RALGAPA1: variants seen among roughly 807,000 people sequenced by gnomAD.
RALGAPA1 encodes the protein Ral GTPase activating protein catalytic subunit alpha 1.
Under a neutral mutation model 269.6 loss-of-function variants are expected in RALGAPA1, and 52 were observed. That is an observed-to-expected ratio of 0.19 (90% CI 0.15 to 0.24). The LOEUF (loss-of-function observed/expected upper bound fraction) is 0.24. RALGAPA1 is among the 10% of genes least tolerant of loss of function. The pLI, the probability that RALGAPA1 is intolerant of heterozygous loss-of-function variation, is 1.00. For missense variants in RALGAPA1, 1,917 were observed against 3,013.9 expected (o/e 0.64, Z 8.52); for synonymous variants, 817 against 1,008.3 (o/e 0.81, Z 3.60).
intron 35 of RALGAPA1, among the ~76,000 whole-genome samples, chr14:35,619,640 G>C (rs550974094): frequency 1.3e-5 from 2 of 152,180 alleles, no homozygotes; most frequent in South Asian, 4.1e-4. Flanking sequence ...GAATCAAATA[G>C]ACACAATAAA....
chr14:35,760,744 G>A, intron 6 of RALGAPA1, 85 bp downstream of exon 6: 4 of 930,190 alleles, frequency 4.3e-6, no homozygotes, highest in Admixed American at 2.3e-5. Context: ...CCCAGTTAAT[G>A]AATGCACAGA....
At chr14:35,733,605 C>G (rs1430243743) in intron 12 of RALGAPA1, among the ~76,000 whole-genome samples, 1 of 151,968 alleles carries the variant, frequency 6.6e-6, no homozygotes, top group Non-Finnish European at 1.5e-5. Context: ...GCCCTAAAAA[C>G]CTACATCAAA....
chr14:35,572,486 T>C (rs577769236), intron 38 of RALGAPA1, 74 bp downstream of exon 38: 1 of 1,198,296 alleles, frequency 8.3e-7, no homozygotes, highest in African/African-American at 1.5e-5. Flanking sequence ...TTTTATTCTG[T>C]AACATGGAAA....
At chr14:35,629,491 A>AATTT (rs1299692384) in intron 33 of RALGAPA1, among the ~76,000 whole-genome samples, 3 of 152,022 alleles carry the variant, frequency 2.0e-5, no homozygotes, top group Non-Finnish European at 4.4e-5. Context: ...AATAAATACA[A>AATTT]ATTTATTTAT....
chr14:35,557,098 A>ATGTGTGTGTG (rs56835063), intron 39 of RALGAPA1, among the ~76,000 whole-genome samples: 3,209 of 142,454 alleles, frequency 0.023, 42 homozygotes, highest in African/African-American at 0.027. Context: ...TCCAATATGT[A>ATGTGTGTGTG]TGTGTGTGTG....
intron 37 of RALGAPA1, among the ~76,000 whole-genome samples, chr14:35,590,281 T>C (rs1367302814): frequency 1.3e-5 from 2 of 152,340 alleles, no homozygotes; most frequent in East Asian, 1.9e-4. Context: ...TTAGTACCCA[T>C]ATATTAGTTT....
intron 1 of RALGAPA1, among the ~76,000 whole-genome samples, chr14:35,791,180 T>C (rs1376427306): frequency 6.6e-6 from 1 of 152,126 alleles, no homozygotes; most frequent in African/African-American, 2.4e-5. Context: ...AATATTACAA[T>C]AGTAGGAAGG....
chr14:35,751,508 G>A (rs1034237653), intron 8 of RALGAPA1, among the ~76,000 whole-genome samples: 1 of 152,136 alleles, frequency 6.6e-6, no homozygotes, highest in Non-Finnish European at 1.5e-5. Flanking sequence ...TGTTGGCTGG[G>A]TGTGGTGGCT....
At chr14:35,648,164 G>T (rs2139956227) in intron 31 of RALGAPA1, among the ~76,000 whole-genome samples, 1 of 151,884 alleles carries the variant, frequency 6.6e-6, no homozygotes, top group South Asian at 2.1e-4. Flanking sequence ...AGGTGTGGTG[G>T]CATGTGTCTG....
chr14:35,803,862 G>A (rs1361835165), intron 1 of RALGAPA1, among the ~76,000 whole-genome samples: 1 of 151,762 alleles, frequency 6.6e-6, no homozygotes, highest in Non-Finnish European at 1.5e-5. Flanking sequence ...GACCTCAAGT[G>A]AGCCACCTGC....
intron 37 of RALGAPA1, among the ~76,000 whole-genome samples, chr14:35,575,461 G>C (rs192795941): frequency 2.5e-4 from 38 of 152,292 alleles, no homozygotes; most frequent in African/African-American, 8.7e-4. Flanking sequence ...GTTAATACTG[G>C]AAGAGACCTT....
rs180814125 is a variant in RALGAPA1 at position 35,639,668 on chromosome 14, G to A, written c.5677-4070C>T. ...GAATTAAACAATATTGGCCAGGTGC[G>A]GTGGCTCGTGCCTGTAATCCCAGCA... On this transcript the variant is annotated intron_variant, in intron 31 of 41. Coordinates refer to ENST00000680220, the MANE Select transcript of RALGAPA1 (RefSeq NM_001346249.2). Among the ~76,000 whole-genome samples, 11 of 152,230 alleles carry A rather than the reference G, an allele frequency of 7.2e-5. No homozygotes were observed. In the East Asian group the frequency reaches 7.7e-4, roughly 11 times the overall value.
At chr14:35,570,589 A>C in intron 39 of RALGAPA1, 28 bp downstream of exon 39, 2 of 1,574,358 alleles carry the variant, frequency 1.3e-6, no homozygotes, top group Non-Finnish European at 1.7e-6. Flanking sequence ...ACGTTAGAGT[A>C]GAAACCATTA....
chr14:35,779,794 G>A (rs2075308981), intron 1 of RALGAPA1, among the ~76,000 whole-genome samples: 1 of 152,134 alleles, frequency 6.6e-6, no homozygotes, highest in Non-Finnish European at 1.5e-5. Flanking sequence ...TGCTAACAAA[G>A]TCTGGAAATT....
intron 31 of RALGAPA1, among the ~76,000 whole-genome samples, chr14:35,649,568 C>T (rs1333761899): frequency 6.6e-6 from 1 of 152,096 alleles, no homozygotes; most frequent in Non-Finnish European, 1.5e-5. Flanking sequence ...CCAAAACAAA[C>T]CATACTATTT....
At position 35,688,791 on chromosome 14, in the gene RALGAPA1, A is replaced by G; in HGVS notation, c.3620T>C (p.Val1207Ala). The change falls in exon 18 of 42, where the codon GTA (valine) becomes GCA (alanine). Residue 1207 changes from valine (V) to alanine (A), a missense_variant. By Grantham distance (64) the Val-to-Ala change is moderately conservative. Transcript: ENST00000680220. ...HTSTNSATEL[V>A]KPGVYRPLDT... ...TAGAGGTCTGTACACACCAGGTTTTACTAGCTCTGTAGCACTATTTGTGCT... is the reference window on the plus strand; with the variant it reads ...TAGAGGTCTGTACACACCAGGTTTTGCTAGCTCTGTAGCACTATTTGTGCT... 7.1e-7 allele frequency: 1 copy of G among 1,414,984 alleles called. No homozygotes were observed. Among genetic ancestry groups the G allele is most frequent in the South Asian group, 1.6e-5 (1 of 60,722 alleles). 87.7% of individuals were successfully genotyped at this position (1,414,984 alleles called of 1,614,324 possible). A position where few individuals can be genotyped will look rare whatever the true frequency, so the allele number is the denominator to read the frequency against.
intron 31 of RALGAPA1, among the ~76,000 whole-genome samples, chr14:35,640,073 A>G (rs894738595): frequency 1.3e-5 from 2 of 152,164 alleles, no homozygotes; most frequent in African/African-American, 4.8e-5. Flanking sequence ...AACCTATAGG[A>G]TACAGTGAAA....
intron 36 of RALGAPA1, among the ~76,000 whole-genome samples, chr14:35,598,194 G>C (rs1460930429): frequency 6.6e-6 from 1 of 151,918 alleles, no homozygotes; most frequent in East Asian, 1.9e-4. Flanking sequence ...TTGTAGCTCT[G>C]TTATTTGGTG....
At chr14:35,798,211 G>A (rs532908721) in intron 1 of RALGAPA1, among the ~76,000 whole-genome samples, 5 of 144,172 alleles carry the variant, frequency 3.5e-5, no homozygotes, top group South Asian at 2.2e-4. Flanking sequence ...TTGGACTGTC[G>A]CCCAGGCTAG....
Sources: allele counts gnomAD v4.1 joint callset (sites outside exome capture counted in the v4.1 genomes callset), GRCh38; gene constraint gnomAD v4.1.1; transcripts MANE v1.5; gene names NCBI Gene and HGNC (gene_info 2026-07-23, HGNC 2026-07-21).